Variants in DNM3 observed in about 807,000 individuals in gnomAD.
The protein encoded by DNM3 is dynamin 3.
A neutral mutation model predicts 101.6 loss-of-function variants in DNM3; 47 were observed. The ratio of observed to expected loss-of-function variants is 0.46; its 90% CI spans 0.37 to 0.59. DNM3 has a LOEUF of 0.59. DNM3 is among the 20% of genes least tolerant of loss of function. DNM3 has a pLI of 0.00. For synonymous variants in DNM3, 385 were observed against 387.9 expected, an observed-to-expected ratio of 0.99 and a Z score of 0.09; for missense variants, 849 against 1,085.7, an observed-to-expected ratio of 0.78 and a Z score of 3.06.
chr1:171,945,201 T>G (rs1168721452), intron 2 of DNM3, among the ~76,000 whole-genome samples: 1 of 152,060 alleles, frequency 6.6e-6, no homozygotes, highest in African/African-American at 2.4e-5. Context: ...TATGAGAGTA[T>G]CCTACATCAT....
chr1:172,235,098 T>C (rs551370442), intron 14 of DNM3, among the ~76,000 whole-genome samples: 223 of 152,124 alleles, frequency 1.5e-3, no homozygotes, highest in African/African-American at 5.1e-3. Context: ...TGCAATCTAC[T>C]CATCTGACAA....
At chr1:172,222,192 G>A (rs10911323) in intron 14 of DNM3, among the ~76,000 whole-genome samples, 25,260 of 152,152 alleles carry the variant, frequency 0.17, 2,473 homozygotes, top group East Asian at 0.27. Flanking sequence ...TGAAACAGGT[G>A]AAAGAAACAT....
At chr1:172,014,168 A>G (rs2047301108) in intron 4 of DNM3, among the ~76,000 whole-genome samples, 1 of 152,154 alleles carries the variant, frequency 6.6e-6, no homozygotes, top group Non-Finnish European at 1.5e-5. Context: ...TGTGGTATAA[A>G]TATATATGAT....
intron 1 of DNM3, among the ~76,000 whole-genome samples, chr1:171,917,498 A>G (rs1278907027): frequency 6.6e-6 from 1 of 152,172 alleles, no homozygotes; most frequent in African/African-American, 2.4e-5. Flanking sequence ...AAAGAGCATT[A>G]ACTTACTGCC....
At chr1:171,961,814 G>T (rs2043229079) in intron 2 of DNM3, among the ~76,000 whole-genome samples, 1 of 152,138 alleles carries the variant, frequency 6.6e-6, no homozygotes, top group South Asian at 2.1e-4. Flanking sequence ...GGATGAACTT[G>T]AAAACATTAT....
chr1:172,023,856 T>G (rs930425358), intron 4 of DNM3, among the ~76,000 whole-genome samples: 1 of 151,862 alleles, frequency 6.6e-6, no homozygotes, highest in Non-Finnish European at 1.5e-5. Flanking sequence ...GTTTTTTTTT[T>G]TTTCCTTGTT....
chr1:172,016,313 T>A (rs973135434), intron 4 of DNM3, among the ~76,000 whole-genome samples: 1 of 152,192 alleles, frequency 6.6e-6, no homozygotes, highest in African/African-American at 2.4e-5. Flanking sequence ...AAATTATGAA[T>A]TGGTATTGAA....
chr1:172,009,612 A>G (rs1199773420), intron 4 of DNM3, among the ~76,000 whole-genome samples: 1 of 151,870 alleles, frequency 6.6e-6, no homozygotes, highest in East Asian at 1.9e-4. Context: ...TCAATACAGT[A>G]CATTTCCATT....
At chr1:172,078,517 T>C (rs2052866373) in intron 11 of DNM3, among the ~76,000 whole-genome samples, 1 of 152,126 alleles carries the variant, frequency 6.6e-6, no homozygotes, top group Non-Finnish European at 1.5e-5. Context: ...ATGTGTGTCT[T>C]TGCATATGAG....
intron 14 of DNM3, among the ~76,000 whole-genome samples, chr1:172,168,572 G>A (rs2058837029): frequency 6.6e-6 from 1 of 151,986 alleles, no homozygotes; most frequent in African/African-American, 2.4e-5. Context: ...GCTCTGGCTT[G>A]TCTCCACTAA....
At chr1:171,899,696 A>G (rs2125221491) in intron 1 of DNM3, among the ~76,000 whole-genome samples, 1 of 152,344 alleles carries the variant, frequency 6.6e-6, no homozygotes, top group South Asian at 2.1e-4. Flanking sequence ...CCTATGCTAT[A>G]CCAGGAGTTA....
chr1:172,282,608 G>A (rs556211680), intron 15 of DNM3, among the ~76,000 whole-genome samples: 1 of 152,304 alleles, frequency 6.6e-6, no homozygotes, highest in Admixed American at 6.5e-5. Context: ...ACTAGCTGGT[G>A]AAAAATTTGA....
In DNM3 at chr1:172,215,733, GAACT is replaced by G. The variant is rs574698483; in HGVS notation, c.1660-37833_1660-37830del. On this transcript the variant is annotated intron_variant, in intron 14 of 20. Transcript: ENST00000627582. The stretch of plus-strand genomic sequence containing the variant: ...ACTCAATAGTCATCTTCTCTTACTG[GAACT>G]AACTAAGAGTTAGTCCCTGTGACTG... Among the ~76,000 whole-genome samples, 141 of 151,860 alleles carry G rather than the reference GAACT, an allele frequency of 9.3e-4. 1 individual carries two copies. The highest frequency in any genetic ancestry group is 3.4e-3 in the Middle Eastern group (1 of 294).
chr1:172,248,092 G>A (rs189804950), intron 14 of DNM3, among the ~76,000 whole-genome samples: 254 of 151,866 alleles, frequency 1.7e-3, no homozygotes, highest in African/African-American at 5.9e-3. Flanking sequence ...TTTTTTGTAT[G>A]CTTTTGAAGT....
intron 2 of DNM3, among the ~76,000 whole-genome samples, chr1:171,969,579 T>C (rs2043839606): frequency 1.3e-5 from 2 of 151,802 alleles, no homozygotes; most frequent in South Asian, 2.1e-4. Context: ...AAACGGGGGG[T>C]CTTAAAATAA....
intron 14 of DNM3, among the ~76,000 whole-genome samples, chr1:172,195,538 G>A (rs2059916498): frequency 6.6e-6 from 1 of 151,802 alleles, no homozygotes; most frequent in Non-Finnish European, 1.5e-5. Context: ...TCACCATTAA[G>A]TATGATGTTA....
At chr1:171,914,548 G>A (rs988771029) in intron 1 of DNM3, among the ~76,000 whole-genome samples, 1 of 152,034 alleles carries the variant, frequency 6.6e-6, no homozygotes, top group African/African-American at 2.4e-5. Flanking sequence ...TCTATTCCAT[G>A]TCATTAGACA....
chr1:172,288,622 TG>T (rs1180143458), intron 15 of DNM3, among the ~76,000 whole-genome samples: 2 of 152,084 alleles, frequency 1.3e-5, no homozygotes, highest in Admixed American at 1.3e-4. Context: ...GAGGAATAAA[TG>T]GGAGCTATTA....
intron 1 of DNM3, among the ~76,000 whole-genome samples, chr1:171,920,222 A>C (rs531165152): frequency 6.6e-6 from 1 of 152,262 alleles, no homozygotes; most frequent in South Asian, 2.1e-4. Flanking sequence ...GCAGCTAAAC[A>C]CTTGGGTTTT....
Sources: gnomAD v4.1 joint callset for allele counts (sites outside exome capture counted in the v4.1 genomes callset) on GRCh38, gnomAD v4.1.1 for gene constraint, MANE v1.5 for transcripts, NCBI Gene and HGNC (gene_info 2026-07-23, HGNC 2026-07-21) for gene names.